The following CSNK2A2IP variants were observed in gnomAD, a reference collection of about 807,000 sequenced individuals.
CSNK2A2IP encodes casein kinase II subunit alpha'-interacting protein.
At chr3:88,370,597 T>TC in the CSNK2A2IP span, among the ~76,000 whole-genome samples, 44 of 127,922 alleles carry the variant, frequency 3.4e-4, no homozygotes, top group African/African-American at 1.0e-3. Flanking sequence ...TCTTTCTTTC[T>TC]TTCTCTCTCT....
At chr3:88,376,454 C>G in the CSNK2A2IP span, among the ~76,000 whole-genome samples, 2 of 151,572 alleles carry the variant, frequency 1.3e-5, no homozygotes, top group Non-Finnish European at 3.0e-5. Context: ...CAGATCTTCA[C>G]CTATCTTCAT....
At chr3:88,390,362 G>A in the CSNK2A2IP span, among the ~76,000 whole-genome samples, 1 of 152,144 alleles carries the variant, frequency 6.6e-6, no homozygotes, top group African/African-American at 2.4e-5. Context: ...ATCCAACCCA[G>A]GATAAAGGTA....
At chr3:88,363,526 T>G in the CSNK2A2IP span, among the ~76,000 whole-genome samples, 2 of 152,212 alleles carry the variant, frequency 1.3e-5, no homozygotes, top group African/African-American at 4.8e-5. Context: ...ATTTTACTGA[T>G]TTTTCTCTTC....
the CSNK2A2IP span, among the ~76,000 whole-genome samples, chr3:88,402,956 G>C: frequency 6.6e-6 from 1 of 152,080 alleles, no homozygotes; most frequent in African/African-American, 2.4e-5. Context: ...GATTGCTTCT[G>C]CATATTTTCA....
the CSNK2A2IP span, among the ~76,000 whole-genome samples, chr3:88,365,666 T>C: frequency 6.6e-6 from 1 of 152,142 alleles, no homozygotes; most frequent in African/African-American, 2.4e-5. Context: ...CTTTATGCAG[T>C]GCCCCTTTTG....
At chr3:88,364,240 C>T in the CSNK2A2IP span, among the ~76,000 whole-genome samples, 1 of 151,882 alleles carries the variant, frequency 6.6e-6, no homozygotes, top group African/African-American at 2.4e-5. Flanking sequence ...GACTTGTGTC[C>T]AGTGTTCTGA....
chr3:88,410,771 C>A, the CSNK2A2IP span, among the ~76,000 whole-genome samples: 1 of 151,952 alleles, frequency 6.6e-6, no homozygotes, highest in African/African-American at 2.4e-5. Flanking sequence ...ACAGTGAGTT[C>A]TTATCACAGT....
the CSNK2A2IP span, among the ~76,000 whole-genome samples, chr3:88,378,754 T>A: frequency 6.6e-6 from 1 of 152,010 alleles, no homozygotes; most frequent in Non-Finnish European, 1.5e-5. Context: ...AGGGAAAGAA[T>A]TGGCATTTTA....
chr3:88,351,152 CT>C, the CSNK2A2IP span, among the ~76,000 whole-genome samples: 1 of 152,106 alleles, frequency 6.6e-6, no homozygotes, highest in East Asian at 1.9e-4. Context: ...ACTGGATTCA[CT>C]TGCCTCACTA....
chr3:88,464,668 T>C, the CSNK2A2IP span, among the ~76,000 whole-genome samples: 1 of 152,130 alleles, frequency 6.6e-6, no homozygotes, highest in Non-Finnish European at 1.5e-5. Context: ...GAATCTGAAC[T>C]GAAAAGAAAC....
At chr3:88,427,931 C>A in the CSNK2A2IP span, among the ~76,000 whole-genome samples, 4 of 152,222 alleles carry the variant, frequency 2.6e-5, no homozygotes, top group African/African-American at 7.2e-5. Flanking sequence ...GGGCCACCAT[C>A]CCCCAGACCC....
the CSNK2A2IP span, among the ~76,000 whole-genome samples, chr3:88,373,413 A>C: frequency 1.3e-5 from 2 of 151,474 alleles, no homozygotes. Flanking sequence ...AGAAAATTCA[A>C]GAAATTTTGA....
the CSNK2A2IP span, among the ~76,000 whole-genome samples, chr3:88,462,844 G>A: frequency 1.2e-3 from 185 of 152,202 alleles, no homozygotes; most frequent in Non-Finnish European, 2.2e-3. Context: ...TGATTATTTG[G>A]AAATACTATT....
the CSNK2A2IP span, among the ~76,000 whole-genome samples, chr3:88,455,920 A>C: frequency 0.3 from 44,766 of 149,280 alleles, 7,313 homozygotes; most frequent in East Asian, 0.49. Flanking sequence ...TTTTTTTTTG[A>C]GTGTGGATAT....
chr3:88,365,627 G>T, the CSNK2A2IP span, among the ~76,000 whole-genome samples: 1 of 152,120 alleles, frequency 6.6e-6, no homozygotes, highest in African/African-American at 2.4e-5. Flanking sequence ...CCCAAGAAAA[G>T]ATCCTTATAT....
chr3:88,407,292 CAAAAA>C, the CSNK2A2IP span, among the ~76,000 whole-genome samples: 2 of 102,946 alleles, frequency 1.9e-5, no homozygotes, highest in Non-Finnish European at 3.7e-5. Flanking sequence ...CAGAAAAGTC[CAAAAA>C]AAAAAAAAAA....
the CSNK2A2IP span, chr3:88,399,840 G>C: frequency 6.6e-6 from 1 of 152,170 alleles, no homozygotes; most frequent in Non-Finnish European, 1.5e-5. Flanking sequence ...AGTTCAGAAA[G>C]AAAAATGAAC....
At chr3:88,458,362 G>T in the CSNK2A2IP span, among the ~76,000 whole-genome samples, 1 of 151,924 alleles carries the variant, frequency 6.6e-6, no homozygotes, top group Non-Finnish European at 1.5e-5. Flanking sequence ...TGTTGGCCAG[G>T]CTGGTCTCGA....
the CSNK2A2IP span, among the ~76,000 whole-genome samples, chr3:88,375,076 A>G: frequency 1.3e-5 from 2 of 151,750 alleles, no homozygotes; most frequent in Admixed American, 6.6e-5. Context: ...CCTCACTGTC[A>G]TAATTCTCTA....
Sources: gnomAD v4.1 joint callset for allele counts (sites outside exome capture counted in the v4.1 genomes callset) on GRCh38, gnomAD v4.1.1 for gene constraint, MANE v1.5 for transcripts, NCBI Gene and HGNC (gene_info 2026-07-23, HGNC 2026-07-21) for gene names.